The following ADARB2 variants were observed in gnomAD, a reference collection of about 807,000 sequenced individuals.
The protein encoded by ADARB2 is adenosine deaminase RNA specific B2 (inactive).
In ADARB2, 25 loss-of-function variants were observed where a neutral mutation model predicts 62.2. The observed-to-expected ratio is 0.40, with a 90% confidence interval of 0.29 to 0.56. The LOEUF (loss-of-function observed/expected upper bound fraction) is 0.56. Among genes scored for constraint, ADARB2 ranks in the 20% least tolerant of loss-of-function variants. ADARB2 has a pLI of 0.43. For synonymous variants in ADARB2, 572 were observed against 500.8 expected, an observed-to-expected ratio of 1.14 and a Z score of -1.90; for missense variants, 1,071 against 1,077.4, an observed-to-expected ratio of 0.99 and a Z score of 0.08.
chr10:1,199,739 A>AT (rs752175744), intron 8 of ADARB2: 1 of 480,312 alleles, frequency 2.1e-6, no homozygotes, highest in Non-Finnish European at 3.6e-6. Context: ...AAACAGCACC[A>AT]TCACACAATC....
chr10:1,657,360 G>A (rs1011126917), intron 1 of ADARB2, among the ~76,000 whole-genome samples: 6 of 151,982 alleles, frequency 3.9e-5, no homozygotes, highest in African/African-American at 1.4e-4. Flanking sequence ...AGAAAGCAAG[G>A]AGTAACTCAA....
intron 1 of ADARB2, among the ~76,000 whole-genome samples, chr10:1,469,631 T>C (rs987211290): frequency 6.6e-6 from 1 of 152,244 alleles, no homozygotes; most frequent in Non-Finnish European, 1.5e-5. Flanking sequence ...TCGTAATTGA[T>C]GACTGGTGCC....
chr10:1,691,166 T>C (rs900981847), intron 1 of ADARB2, among the ~76,000 whole-genome samples: 2 of 152,062 alleles, frequency 1.3e-5, no homozygotes, highest in African/African-American at 4.8e-5. Context: ...CAATAGGACT[T>C]GGGTCCTGAT....
chr10:1,469,413 G>C (rs530189219), intron 1 of ADARB2, among the ~76,000 whole-genome samples: 47 of 152,198 alleles, frequency 3.1e-4, no homozygotes, highest in African/African-American at 1.1e-3. Context: ...TACTGAAAAA[G>C]TGAAAAAAAA....
At chr10:1,451,271 A>T (rs1831033752) in intron 1 of ADARB2, among the ~76,000 whole-genome samples, 1 of 152,244 alleles carries the variant, frequency 6.6e-6, no homozygotes, top group African/African-American at 2.4e-5. Flanking sequence ...CAGTATGGGA[A>T]AGACGGCAGA....
intron 1 of ADARB2, among the ~76,000 whole-genome samples, chr10:1,470,232 T>C (rs1377362005): frequency 6.6e-6 from 1 of 152,076 alleles, no homozygotes; most frequent in African/African-American, 2.4e-5. Flanking sequence ...ATCAGTCAGA[T>C]TAAAAAATAA....
intron 1 of ADARB2, among the ~76,000 whole-genome samples, chr10:1,688,450 C>T (rs988500786): frequency 6.6e-6 from 1 of 152,212 alleles, no homozygotes; most frequent in Non-Finnish European, 1.5e-5. Flanking sequence ...CCCTGAGCTG[C>T]CATATTCCCC....
At chr10:1,546,975 G>C (rs1056799332) in intron 1 of ADARB2, among the ~76,000 whole-genome samples, 3 of 152,210 alleles carry the variant, frequency 2.0e-5, no homozygotes, top group Non-Finnish European at 4.4e-5. Flanking sequence ...ACAACCCAGT[G>C]AGCACTGCAT....
At chr10:1,634,868 G>A (rs983011015) in intron 1 of ADARB2, among the ~76,000 whole-genome samples, 2 of 152,182 alleles carry the variant, frequency 1.3e-5, no homozygotes, top group African/African-American at 4.8e-5. Flanking sequence ...CATAAAACCA[G>A]TAGTTACTTT....
intron 1 of ADARB2, among the ~76,000 whole-genome samples, chr10:1,548,228 G>A (rs565241390): frequency 6.6e-6 from 1 of 152,272 alleles, no homozygotes; most frequent in East Asian, 1.9e-4. Context: ...ATTTCTGGGG[G>A]AACTAAGCCC....
intron 7 of ADARB2, among the ~76,000 whole-genome samples, chr10:1,215,056 C>T (rs887997640): frequency 9.9e-6 from 1 of 100,746 alleles, no homozygotes; most frequent in South Asian, 2.8e-4. Context: ...GCTGTAGGGG[C>T]CTGCAGGGGC....
chr10:1,592,458 C>A lies in ADARB2; in HGVS notation c.100+144593G>T, dbSNP rs1243436997. ...GTCACCCAGCTACCCTCGCCCAAGC[C>A]ACCCTCCATAGGTCTCCTCTCTGGC... On this transcript the variant is annotated intron_variant, in intron 1 of 9. Coordinates refer to ENST00000381312, the MANE Select transcript of ADARB2 (RefSeq NM_018702.4). Among the ~76,000 whole-genome samples, 7 of 19,962 alleles carry A rather than the reference C, an allele frequency of 3.5e-4. 2 individuals carry two copies. The highest frequency in any genetic ancestry group is 1.1e-3 in the African/African-American group (7 of 6,172). The allele number at this position is 19,962 out of a possible 152,430, so 13.1% of individuals were successfully genotyped here.
chr10:1,458,856 G>A, intron 1 of ADARB2, among the ~76,000 whole-genome samples: 1 of 139,174 alleles, frequency 7.2e-6, no homozygotes, highest in African/African-American at 2.6e-5. Flanking sequence ...AACACTCGAC[G>A]GAACAAACAC....
chr10:1,567,031 C>G (rs1588305326), intron 1 of ADARB2, among the ~76,000 whole-genome samples: 1 of 152,164 alleles, frequency 6.6e-6, no homozygotes, highest in Non-Finnish European at 1.5e-5. Flanking sequence ...TAATTGTATT[C>G]TCTTTAGTTT....
chr10:1,301,894 C>T (rs1022584529), intron 3 of ADARB2, among the ~76,000 whole-genome samples: 2 of 152,210 alleles, frequency 1.3e-5, no homozygotes, highest in Non-Finnish European at 2.9e-5. Context: ...TCAAAGTCCC[C>T]ACAATTGGTG....
chr10:1,705,609 A>G lies in ADARB2; in HGVS notation c.100+31442T>C, dbSNP rs865953241. On this transcript the variant is annotated intron_variant, in intron 1 of 9. Transcript: ENST00000381312. ...AACAAGCTTAATCTGAAAATTTCAG[A>G]CATAACTGTCCTGAAATGCAGGGTG... Among the ~76,000 whole-genome samples the G allele has an allele frequency of 4.7e-4, 72 of 152,220 alleles. 1 individual carries two copies. Among genetic ancestry groups the G allele is most frequent in the African/African-American group, 1.4e-3 (60 of 41,458 alleles).
At chr10:1,559,071 G>A (rs907787281) in intron 1 of ADARB2, among the ~76,000 whole-genome samples, 3 of 152,156 alleles carry the variant, frequency 2.0e-5, no homozygotes, top group Non-Finnish European at 2.9e-5. Context: ...GACAGTCCAC[G>A]TACACATCCA....
In ADARB2 at chr10:1,200,517, G is replaced by T. The variant is rs1836972276; in HGVS notation, c.1683-370C>A. Reference sequence around the variant, plus strand: ...TATTAGCTGGGAAATACTATAAATGGAATTTGTTTATTTTAGTTTAGGGAA... The same window carrying T: ...TATTAGCTGGGAAATACTATAAATGTAATTTGTTTATTTTAGTTTAGGGAA... On this transcript the variant is annotated intron_variant, in intron 7 of 9. Transcript: ENST00000381312. The T allele has an allele frequency of 8.9e-6, 4 of 448,424 alleles. No individual in the cohort carries two copies. The East Asian group carries it at 1.0e-4, about 11-fold the overall frequency. 27.8% of individuals were successfully genotyped at this position (448,424 alleles called of 1,614,324 possible). A position where few individuals can be genotyped will look rare whatever the true frequency, so the allele number is the denominator to read the frequency against.
intron 4 of ADARB2, among the ~76,000 whole-genome samples, chr10:1,267,171 A>T (rs1417180648): frequency 6.6e-6 from 1 of 151,476 alleles, no homozygotes. Flanking sequence ...CCTCCCGGGT[A>T]GGTGTGGGTG....
Sources: allele counts gnomAD v4.1 joint callset (sites outside exome capture counted in the v4.1 genomes callset), GRCh38; gene constraint gnomAD v4.1.1; transcripts MANE v1.5; gene names NCBI Gene and HGNC (gene_info 2026-07-23, HGNC 2026-07-21).